The following SP140 variants were observed in gnomAD, a reference collection of about 807,000 sequenced individuals.
SP140 encodes the protein nuclear body protein SP140.
Under a neutral mutation model 125.0 loss-of-function variants are expected in SP140, and 81 were observed. That is an observed-to-expected ratio of 0.65 (90% CI 0.54 to 0.78). The LOEUF is 0.78. Ranked by LOEUF, SP140 falls within the 30% of genes least tolerant of loss-of-function variation. The pLI, the probability that SP140 is intolerant of heterozygous loss-of-function variation, is 0.00. For synonymous variants in SP140, 312 were observed against 354.0 expected (o/e 0.88, Z 1.33); for missense variants, 858 against 1,037.0 (o/e 0.83, Z 2.37).
intron 1 of SP140, among the ~76,000 whole-genome samples, chr2:230,228,238 T>C (rs13404885): frequency 0.013 from 1,998 of 152,362 alleles, 40 homozygotes; most frequent in African/African-American, 0.045. Context: ...TTCTAGTTTA[T>C]GGTCTGAGAA....
At chr2:230,225,597 C>G (rs2046218337), upstream of SP140, 1 of 569,250 alleles carries the variant, frequency 1.8e-6, no homozygotes, top group African/African-American at 1.9e-5. Flanking sequence ...TTGGCAGGAA[C>G]AAGTGACCCT....
At chr2:230,285,576 A>C (rs913796258) in intron 16 of SP140, among the ~76,000 whole-genome samples, 176 bp from the exon 17 acceptor site, 3 of 152,208 alleles carry the variant, frequency 2.0e-5, no homozygotes, top group Admixed American at 2.0e-4. Context: ...TTCAATGTGC[A>C]ATTAAATCCT....
At chr2:230,205,631 G>A (rs2043696122) in intron 1 of SP140, among the ~76,000 whole-genome samples, 1 of 152,000 alleles carries the variant, frequency 6.6e-6, no homozygotes, top group Admixed American at 6.6e-5. Context: ...TTTCAGAATG[G>A]GTATATACAG....
chr2:230,276,717 G>A (rs2054767259), intron 15 of SP140, among the ~76,000 whole-genome samples: 1 of 152,032 alleles, frequency 6.6e-6, no homozygotes, highest in African/African-American at 2.4e-5. Context: ...AAAGTCAATT[G>A]GAAACCTTCT....
downstream of SP140, among the ~76,000 whole-genome samples, chr2:230,314,661 A>G (rs538279635): frequency 3.9e-5 from 6 of 152,332 alleles, no homozygotes; most frequent in South Asian, 1.2e-3. Context: ...GGTCCCAAGG[A>G]TAGAGAAGTT....
intron 1 of SP140, among the ~76,000 whole-genome samples, chr2:230,204,214 C>T (rs1248904924): frequency 6.6e-6 from 1 of 152,220 alleles, no homozygotes; most frequent in Non-Finnish European, 1.5e-5. Context: ...GTTACCTCAA[C>T]AGAACTGACC....
upstream of SP140, chr2:230,202,637 C>G (rs200470534): frequency 1.1e-5 from 17 of 1,613,942 alleles, no homozygotes; most frequent in Admixed American, 1.7e-5. Context: ...TTGTCTCTAC[C>G]GTGGAGTTAC....
Position 230,211,133 on chromosome 2 carries a change from C to G in SP140, c.-322-2521C>G, listed in dbSNP as rs552300890. On this transcript the variant is annotated intron_variant, in intron 1 of 4. Transcript: ENST00000456542. The surrounding 1 kb of genome is among the most constrained non-coding windows in gnomAD (Gnocchi z 4.2). ...TTCCCCTGGGGTTCCTGCCACAACC[C>G]TTTGTGGCAGGTGAATGTTTCCCTT... Among the ~76,000 whole-genome samples the G allele has an allele frequency of 1.3e-4, 20 of 152,328 alleles. No homozygotes were observed. Among genetic ancestry groups the G allele is most frequent in the African/African-American group, 4.8e-4 (20 of 41,578 alleles).
chr2:230,236,669 C>T (rs2048056308), intron 1 of SP140, among the ~76,000 whole-genome samples: 2 of 152,196 alleles, frequency 1.3e-5, no homozygotes, highest in Admixed American at 6.5e-5. Flanking sequence ...GCAATCTGCC[C>T]TACTCCAAAT....
chr2:230,214,687 A>G (rs1179839850), intron 3 of SP140, among the ~76,000 whole-genome samples: 1 of 152,174 alleles, frequency 6.6e-6, no homozygotes, highest in Non-Finnish European at 1.5e-5. Flanking sequence ...TAGATTTTCC[A>G]GTATGCCAAA....
At chr2:230,308,212 A>T (rs1173368984) in intron 22 of SP140, among the ~76,000 whole-genome samples, 1 of 151,844 alleles carries the variant, frequency 6.6e-6, no homozygotes, top group Non-Finnish European at 1.5e-5. Flanking sequence ...CATAAGAATG[A>T]TACAATGGGC....
intron 1 of SP140, among the ~76,000 whole-genome samples, chr2:230,227,395 CA>C (rs2046606516): frequency 6.6e-6 from 1 of 152,166 alleles, no homozygotes; most frequent in Non-Finnish European, 1.5e-5. Context: ...GGTCACCAAG[CA>C]GGAAGAAGAC....
At position 230,304,411 on chromosome 2, in the gene SP140, T is replaced by C. The variant is rs1411329512; in HGVS notation, c.2059-5513T>C. On this transcript the variant is annotated intron_variant, in intron 22 of 26. Transcript: ENST00000392045. ...AGAACTAGAAAAAACAATTCTAAAATTCATACAGAACCAAAAAAGAGCTCA... is the reference window on the plus strand; with the variant it reads ...AGAACTAGAAAAAACAATTCTAAAACTCATACAGAACCAAAAAAGAGCTCA... Among the ~76,000 whole-genome samples the C allele has an allele frequency of 2.0e-5, 3 of 152,116 alleles. No homozygotes were observed. In the East Asian group the frequency reaches 5.8e-4, roughly 29 times the overall value.
rs1361805196 is a variant in SP140 at position 230,251,002 on chromosome 2, A to C, written c.998A>C (p.Glu333Ala). Residue 333 changes from glutamate (E) to alanine (A), a missense_variant, in exon 10 of 27, where the codon GAA becomes GCA. Coordinates refer to ENST00000392045, the MANE Select transcript of SP140 (RefSeq NM_007237.5). ...GCAGAGGGCAGTGATGACTGTTCAG[A>C]AATGTGTGATGGAGAAGAGCCCCAG... ...EGEEGSDDCS[E>A]MCDGEEPQEA... The C allele has an allele frequency of 6.2e-7, 1 of 1,613,740 alleles. No homozygotes were observed.
intron 11 of SP140, 103 bp from the exon 12 acceptor site, chr2:230,255,349 C>A: frequency 7.3e-7 from 1 of 1,373,064 alleles, no homozygotes; most frequent in South Asian, 1.2e-5. Flanking sequence ...ACAGCCCTAC[C>A]TGAGAGATAC....
rs915319024 is a variant in SP140 at position 230,215,010 on chromosome 2, T to C, written c.-91+936T>C. On this transcript the variant is annotated intron_variant, in intron 3 of 4. Coordinates refer to the SP140 transcript ENST00000456542. ...GGATATTCACGCAGGTTAATTTGAC[T>C]GAACAATGTCACCAGAAGAGACAGG... 26 of 1,613,840 alleles carry C rather than the reference T, an allele frequency of 1.6e-5. No homozygotes were observed. The highest frequency in any genetic ancestry group is 2.2e-5 in the Non-Finnish European group (26 of 1,179,784).
intron 11 of SP140, among the ~76,000 whole-genome samples, chr2:230,255,021 G>A (rs1222867504): frequency 6.6e-6 from 1 of 152,148 alleles, no homozygotes; most frequent in Non-Finnish European, 1.5e-5. Flanking sequence ...TGAAAAAGGG[G>A]GTGACAAGGA....
intron 1 of SP140, among the ~76,000 whole-genome samples, chr2:230,231,662 C>T (rs536276944): frequency 6.6e-6 from 1 of 152,276 alleles, no homozygotes; most frequent in Admixed American, 6.5e-5. Flanking sequence ...TTTAATGGAA[C>T]TGCACCTTGG....
chr2:230,245,993 C>T, intron 7 of SP140, 53 bp downstream of exon 7: 2 of 1,065,280 alleles, frequency 1.9e-6, no homozygotes, highest in South Asian at 1.3e-5. Context: ...ACAAAAACAC[C>T]TACTCTTTCA....
Sources: gnomAD v4.1 joint callset for allele counts (sites outside exome capture counted in the v4.1 genomes callset) on GRCh38, gnomAD v4.1.1 for gene constraint, Gnocchi (gnomAD v3.1) non-coding constraint, MANE v1.5 for transcripts, NCBI Gene and HGNC (gene_info 2026-07-23, HGNC 2026-07-21) for gene names.